The following HMGCLL1 variants were observed in gnomAD, a reference collection of about 807,000 sequenced individuals.
HMGCLL1 encodes the protein 3-hydroxymethyl-3-methylglutaryl-CoA lyase, cytoplasmic.
Under a neutral mutation model 39.1 loss-of-function variants are expected in HMGCLL1, and 36 were observed. The observed-to-expected ratio is 0.92, with a 90% confidence interval of 0.71 to 1.22. The LOEUF is 1.22. Among genes scored for constraint, HMGCLL1 ranks in the 50% most tolerant of loss-of-function variants. The probability of loss-of-function intolerance (pLI) is 0.00; values close to 1 mark genes in which losing one functional copy is unlikely to be tolerated. For synonymous variants in HMGCLL1, 149 were observed against 144.0 expected (o/e 1.03, Z -0.25); for missense variants, 451 against 416.5 (o/e 1.08, Z -0.72).
chr6:55,461,106 A>G (rs1312777990), intron 7 of HMGCLL1, among the ~76,000 whole-genome samples: 25 of 152,020 alleles, frequency 1.6e-4, no homozygotes, highest in Non-Finnish European at 2.2e-4. Context: ...AACTTGTATC[A>G]AATAGCATCT....
intron 3 of HMGCLL1, among the ~76,000 whole-genome samples, chr6:55,519,098 T>C (rs1173877021): frequency 2.6e-5 from 4 of 152,152 alleles, no homozygotes; most frequent in African/African-American, 9.7e-5. Context: ...GTGATGTGTC[T>C]TTGAGTTAGG....
intron 5 of HMGCLL1, among the ~76,000 whole-genome samples, chr6:55,500,911 T>C (rs1485828828): frequency 6.6e-6 from 1 of 151,988 alleles, no homozygotes. Flanking sequence ...AAATCCAAGG[T>C]ATTTATTTAC....
intron 3 of HMGCLL1, among the ~76,000 whole-genome samples, chr6:55,525,747 T>C (rs1768283663): frequency 6.6e-6 from 1 of 151,970 alleles, no homozygotes; most frequent in African/African-American, 2.4e-5. Context: ...TCTGAGACTG[T>C]AAACTGGAAA....
the HMGCLL1 span, among the ~76,000 whole-genome samples, chr6:55,619,097 G>A: frequency 8.6e-5 from 13 of 151,660 alleles, no homozygotes; most frequent in South Asian, 1.5e-3. Flanking sequence ...AGAGCAAGCA[G>A]GCAAAACTGG....
intron 7 of HMGCLL1, among the ~76,000 whole-genome samples, chr6:55,471,215 A>G (rs1224316862): frequency 6.6e-6 from 1 of 151,720 alleles, no homozygotes; most frequent in Non-Finnish European, 1.5e-5. Flanking sequence ...TCCACCCATT[A>G]CTGGGTTTTT....
At chr6:55,513,381 A>C (rs1012817009) in intron 5 of HMGCLL1, 1 of 152,188 alleles carries the variant, frequency 6.6e-6, no homozygotes, top group Non-Finnish European at 1.5e-5. Flanking sequence ...AAAGGGATTG[A>C]TATCTCTGAT....
intron 7 of HMGCLL1, among the ~76,000 whole-genome samples, chr6:55,476,808 C>T (rs564215654): frequency 2.0e-5 from 3 of 151,266 alleles, no homozygotes; most frequent in South Asian, 4.2e-4. Context: ...CTAGGAGTTT[C>T]TTTTCTTGTA....
the HMGCLL1 span, among the ~76,000 whole-genome samples, chr6:55,617,988 A>G: frequency 6.6e-6 from 1 of 152,144 alleles, no homozygotes. Flanking sequence ...TTTTATAACT[A>G]TAATATACAC....
At chr6:55,521,383 G>T (rs1028830770) in intron 3 of HMGCLL1, among the ~76,000 whole-genome samples, 1 of 152,056 alleles carries the variant, frequency 6.6e-6, no homozygotes, top group Non-Finnish European at 1.5e-5. Flanking sequence ...GCTTTATTCA[G>T]CTGTGCTTTA....
chr6:55,602,573 A>G, the HMGCLL1 span, among the ~76,000 whole-genome samples: 4 of 152,034 alleles, frequency 2.6e-5, no homozygotes, highest in Non-Finnish European at 5.9e-5. Context: ...ATTATTTTAC[A>G]TAGAATCTGT....
At chr6:55,543,568 ATATATATT>A (rs1347080191) in intron 1 of HMGCLL1, among the ~76,000 whole-genome samples, 40 of 126,980 alleles carry the variant, frequency 3.2e-4, no homozygotes, top group South Asian at 2.2e-4. Context: ...ATATATTTTT[ATATATATT>A]TATATATTTA....
In HMGCLL1 at chr6:55,543,181, A is replaced by ATTATATAATATATT. The variant is rs1554155922; in HGVS notation, c.109-1042_109-1041insAATATATTATATAA. 6.9e-4 allele frequency among the ~76,000 whole-genome samples: 5 copies of ATTATATAATATATT among 7,248 alleles called. 1 individual carries two copies. Among genetic ancestry groups the ATTATATAATATATT allele is most frequent in the Non-Finnish European group, 1.8e-3 (5 of 2,854 alleles). 4.8% of individuals were successfully genotyped at this position (7,248 alleles called of 152,430 possible). A position where few individuals can be genotyped will look rare whatever the true frequency, so the allele number is the denominator to read the frequency against. On this transcript the variant is annotated intron_variant, in intron 1 of 8. Transcript: ENST00000274901. Reference sequence around the variant, plus strand: ...ATTATATATATAATATATAATATATAATATATAATATATTATATATTATAT... The same window carrying ATTATATAATATATT: ...ATTATATATATAATATATAATATATATTATATAATATATTATATATAATATATTATATATTATAT...
At chr6:55,632,909 C>A in the HMGCLL1 span, among the ~76,000 whole-genome samples, 1 of 151,986 alleles carries the variant, frequency 6.6e-6, no homozygotes, top group South Asian at 2.1e-4. Context: ...GGATACTAGA[C>A]CTATACATGA....
At position 55,499,230 on chromosome 6, in the gene HMGCLL1, G is replaced by T; in HGVS notation, c.606+6C>A. ...ATAAACCAAAAAAGCTGAAGATGTA[G>T]CTTACTTCTGTCACTTTTTGCGGTG... On this transcript the variant is annotated splice_donor_region_variant and intron_variant, in intron 6 of 8. Transcript: ENST00000274901. 1 of 1,605,808 alleles carries T rather than the reference G, an allele frequency of 6.2e-7. No individual in the cohort carries two copies. The highest frequency in any genetic ancestry group is 8.5e-7 in the Non-Finnish European group (1 of 1,175,564).
intron 6 of HMGCLL1, among the ~76,000 whole-genome samples, chr6:55,495,932 A>T (rs1486164022): frequency 6.6e-6 from 1 of 152,160 alleles, no homozygotes; most frequent in African/African-American, 2.4e-5. Flanking sequence ...GTTTCTCAAC[A>T]CTATAATCAA....
At chr6:55,600,822 A>T in the HMGCLL1 span, among the ~76,000 whole-genome samples, 1 of 152,152 alleles carries the variant, frequency 6.6e-6, no homozygotes, top group Non-Finnish European at 1.5e-5. Flanking sequence ...TGAATCAAAT[A>T]ACAAAATAAG....
intron 1 of HMGCLL1, among the ~76,000 whole-genome samples, chr6:55,577,732 C>A (rs1010927060): frequency 5.3e-5 from 8 of 152,056 alleles, no homozygotes; most frequent in Non-Finnish European, 1.0e-4. Flanking sequence ...GATTAAATAA[C>A]AGACTGAATT....
chr6:55,490,979 C>T (rs900786572), intron 7 of HMGCLL1, among the ~76,000 whole-genome samples: 2 of 151,994 alleles, frequency 1.3e-5, no homozygotes, highest in Admixed American at 1.3e-4. Context: ...TTCATTCAGA[C>T]TTCTGTGGCT....
intron 1 of HMGCLL1, among the ~76,000 whole-genome samples, chr6:55,578,214 T>C (rs918807246): frequency 6.6e-6 from 1 of 152,200 alleles, no homozygotes; most frequent in African/African-American, 2.4e-5. Flanking sequence ...TTCATAACAA[T>C]TATCAGTTAT....
Sources: gnomAD v4.1 joint callset for allele counts (sites outside exome capture counted in the v4.1 genomes callset) on GRCh38, gnomAD v4.1.1 for gene constraint, MANE v1.5 for transcripts, NCBI Gene and HGNC (gene_info 2026-07-23, HGNC 2026-07-21) for gene names.